The following LRRTM3 variants were observed in gnomAD, a reference collection of about 807,000 sequenced individuals.
LRRTM3 encodes the protein leucine rich repeat transmembrane neuronal 3, also known as leucine-rich repeat transmembrane neuronal protein 3.
LRRTM3 carries 24 observed loss-of-function variants against 44.7 expected under a neutral mutation model. That is an observed-to-expected ratio of 0.54 (90% CI 0.39 to 0.76). The LOEUF is 0.76. Among genes scored for constraint, LRRTM3 ranks in the 30% least tolerant of loss-of-function variants. The pLI, the probability that LRRTM3 is intolerant of heterozygous loss-of-function variation, is 0.00. For synonymous variants in LRRTM3, 277 were observed against 278.7 expected, an observed-to-expected ratio of 0.99 and a Z score of 0.06; for missense variants, 587 against 702.2, an observed-to-expected ratio of 0.84 and a Z score of 1.85.
At chr10:67,070,778 T>G (rs1476359351) in intron 2 of LRRTM3, among the ~76,000 whole-genome samples, 1 of 151,882 alleles carries the variant, frequency 6.6e-6, no homozygotes, top group Non-Finnish European at 1.5e-5. Flanking sequence ...AAAAAAGAAA[T>G]CCTTGCCTAC....
intron 2 of LRRTM3, among the ~76,000 whole-genome samples, chr10:67,034,170 C>CCTA (rs1030935320): frequency 2.0e-5 from 3 of 152,202 alleles, no homozygotes; most frequent in African/African-American, 7.2e-5. Context: ...GGACTAGTTT[C>CCTA]CTATCCTTTA....
chr10:67,033,135 G>A (rs114193941), intron 2 of LRRTM3, among the ~76,000 whole-genome samples: 181 of 152,248 alleles, frequency 1.2e-3, no homozygotes, highest in African/African-American at 3.8e-3. Flanking sequence ...GAAGGAAACC[G>A]ACTGATTTTA....
At chr10:66,966,334 T>C (rs530611310) in intron 2 of LRRTM3, among the ~76,000 whole-genome samples, 1 of 152,278 alleles carries the variant, frequency 6.6e-6, no homozygotes, top group East Asian at 1.9e-4. Flanking sequence ...GTACAGAATT[T>C]TAGCATCATC....
intron 2 of LRRTM3, among the ~76,000 whole-genome samples, chr10:67,053,628 T>C (rs912436775): frequency 4.6e-5 from 7 of 152,160 alleles, no homozygotes; most frequent in Admixed American, 2.6e-4. Context: ...GATCCTTTTC[T>C]AAACTGTAAA....
intron 2 of LRRTM3, among the ~76,000 whole-genome samples, chr10:66,944,306 A>G (rs1848170450): frequency 6.6e-6 from 1 of 152,168 alleles, no homozygotes; most frequent in African/African-American, 2.4e-5. Flanking sequence ...TTCTCTGTTC[A>G]TCCATAAGCA....
intron 2 of LRRTM3, among the ~76,000 whole-genome samples, chr10:67,072,015 C>T (rs1340534941): frequency 1.3e-5 from 2 of 152,170 alleles, no homozygotes; most frequent in Admixed American, 6.5e-5. Flanking sequence ...GTGCTGTGCA[C>T]GATCTCAGCG....
intron 2 of LRRTM3, among the ~76,000 whole-genome samples, chr10:67,054,245 G>T (rs530710880): frequency 3.4e-4 from 52 of 152,146 alleles, no homozygotes; most frequent in African/African-American, 1.1e-3. Context: ...ATATAAATTT[G>T]TCAACAATGT....
intron 2 of LRRTM3, among the ~76,000 whole-genome samples, chr10:67,071,330 G>GTTTT (rs10688142): frequency 7.1e-6 from 1 of 140,402 alleles, no homozygotes; most frequent in Non-Finnish European, 1.5e-5. Context: ...TGTATTTTGG[G>GTTTT]TTTTTTTTTT....
intron 2 of LRRTM3, among the ~76,000 whole-genome samples, chr10:67,050,085 G>C (rs1290697403): frequency 2.6e-5 from 4 of 152,150 alleles, no homozygotes; most frequent in Admixed American, 2.6e-4. Context: ...AAGATATAAA[G>C]CTAATATACA....
At chr10:66,968,430 C>A in intron 2 of LRRTM3, among the ~76,000 whole-genome samples, 1 of 149,740 alleles carries the variant, frequency 6.7e-6, no homozygotes, top group East Asian at 2.0e-4. Context: ...AAAAAAGAGA[C>A]AAGATGAATT....
intron 2 of LRRTM3, among the ~76,000 whole-genome samples, chr10:66,939,973 C>A (rs1847911607): frequency 6.6e-6 from 1 of 152,088 alleles, no homozygotes; most frequent in African/African-American, 2.4e-5. Context: ...ACGCATCTTG[C>A]TTAAGATAAA....
At position 66,931,374 on chromosome 10, in the gene LRRTM3, C is replaced by T. The variant is rs987057584; in HGVS notation, c.1536+2922C>T. ...AGCATGTAGTTAAATAGTCCCAGTG[C>T]CACAGTCTTGTAAGCAATACTTATG... On this transcript the variant is annotated intron_variant, in intron 2 of 2. Transcript: ENST00000361320. Among the ~76,000 whole-genome samples the T allele has an allele frequency of 1.8e-4, 28 of 152,120 alleles. 1 individual carries two copies. Among genetic ancestry groups the T allele is most frequent in the African/African-American group, 6.8e-4 (28 of 41,420 alleles).
chr10:67,067,438 C>T (rs1196201254), intron 2 of LRRTM3, among the ~76,000 whole-genome samples: 1 of 152,160 alleles, frequency 6.6e-6, no homozygotes, highest in African/African-American at 2.4e-5. Flanking sequence ...ATTACTTTGT[C>T]CCTATAATAA....
chr10:67,026,122 G>T (rs532423236), intron 2 of LRRTM3, among the ~76,000 whole-genome samples: 1 of 139,918 alleles, frequency 7.1e-6, no homozygotes, highest in Non-Finnish European at 1.5e-5. Flanking sequence ...GTGAGGGGAG[G>T]GGGGAGGGAT....
At chr10:67,011,468 C>G (rs538426858) in intron 2 of LRRTM3, among the ~76,000 whole-genome samples, 1 of 152,112 alleles carries the variant, frequency 6.6e-6, no homozygotes, top group Non-Finnish European at 1.5e-5. Context: ...AATTAGGAAG[C>G]CAGAAAGTGC....
chr10:67,028,575 C>A (rs1853529496), intron 2 of LRRTM3, among the ~76,000 whole-genome samples: 1 of 148,464 alleles, frequency 6.7e-6, no homozygotes, highest in African/African-American at 2.5e-5. Flanking sequence ...TTATGTCAAA[C>A]AGCATGTGCA....
At chr10:67,088,307 A>T (rs2131899760) in intron 2 of LRRTM3, among the ~76,000 whole-genome samples, 1 of 151,900 alleles carries the variant, frequency 6.6e-6, no homozygotes, top group East Asian at 2.0e-4. Flanking sequence ...GAATAAATTA[A>T]CGAATGAATA....
At chr10:67,038,092 C>T (rs1006510265) in intron 2 of LRRTM3, among the ~76,000 whole-genome samples, 8 of 152,068 alleles carry the variant, frequency 5.3e-5, no homozygotes, top group South Asian at 2.1e-4. Flanking sequence ...TTATTTATTT[C>T]GATTTAATAG....
chr10:67,013,130 G>C (rs1852444708), intron 2 of LRRTM3: 1 of 152,068 alleles, frequency 6.6e-6, no homozygotes, highest in South Asian at 2.1e-4. Context: ...GAGAAATTAA[G>C]GCTCAGAGAA....
Sources: gnomAD v4.1 joint callset for allele counts (sites outside exome capture counted in the v4.1 genomes callset) on GRCh38, gnomAD v4.1.1 for gene constraint, MANE v1.5 for transcripts, NCBI Gene and HGNC (gene_info 2026-07-23, HGNC 2026-07-21) for gene names.